HACL1: variants seen among roughly 807,000 people sequenced by gnomAD.
HACL1 encodes 2-hydroxyacyl-CoA lyase 1, also known as 1600020H07Rik.
A neutral mutation model predicts 74.2 loss-of-function variants in HACL1; 64 were observed. The ratio of observed to expected loss-of-function variants is 0.86; its 90% confidence interval spans 0.70 to 1.06. HACL1 has a LOEUF of 1.06. HACL1 is among the 50% of genes least tolerant of loss of function. The pLI is 0.00. For synonymous variants in HACL1, 230 were observed against 238.8 expected, an observed-to-expected ratio of 0.96 and a Z score of 0.34; for missense variants, 728 against 719.7, an observed-to-expected ratio of 1.01 and a Z score of -0.13.
In HACL1 at chr3:15,596,405, G is replaced by T; in HGVS notation, c.206C>A (p.Ala69Glu). The change falls in exon 3 of 17, where the codon GCG (alanine) becomes GAG (glutamate). Residue 69 changes from alanine (A) to glutamate (E), a missense_variant. Transcript: ENST00000321169. Reference protein sequence around the residue: ...NEQAACYAASAIGYLTSRPGV... With the variant: ...NEQAACYAASEIGYLTSRPGV... ...TTACCTGCTTGTCAGATATCCAATC[G>T]CGGAGGCAGCATAACAAGCCTACGA... is the stretch of plus-strand genomic sequence containing the variant. 6.3e-7 allele frequency: 1 copy of T among 1,597,322 alleles called. No individual in the cohort carries two copies. Among genetic ancestry groups the T allele is most frequent in the Non-Finnish European group, 8.6e-7 (1 of 1,164,886 alleles).
In HACL1 at chr3:15,563,343, A is replaced by T; in HGVS notation, c.1704+15T>A. 6.3e-7 allele frequency: 1 copy of T among 1,590,532 alleles called. No individual in the cohort carries two copies. The highest frequency in any genetic ancestry group is 8.6e-7 in the Non-Finnish European group (1 of 1,161,104). On this transcript the variant is annotated intron_variant, in intron 16 of 16. Transcript: ENST00000321169. Reference sequence around the variant, plus strand: ...CAGATGCATTTCTTGCTTTCTGCTTAGCAACTGTATTTACCTGGGCCTTCC... The same window carrying T: ...CAGATGCATTTCTTGCTTTCTGCTTTGCAACTGTATTTACCTGGGCCTTCC...
intron 6 of HACL1, 82 bp downstream of exon 6, chr3:15,586,442 TC>T: frequency 1.3e-6 from 1 of 754,144 alleles, no homozygotes; most frequent in Non-Finnish European, 2.3e-6. Flanking sequence ...TGTCACTCAT[TC>T]TTTTGAGAAT....
chr3:15,577,522 G>C (rs1418459746), intron 9 of HACL1, among the ~76,000 whole-genome samples: 1 of 151,094 alleles, frequency 6.6e-6, no homozygotes, highest in East Asian at 1.9e-4. Context: ...CAGGCATGGT[G>C]GCTCATGCCT....
intron 5 of HACL1, among the ~76,000 whole-genome samples, chr3:15,587,092 A>T (rs1214927485): frequency 1.3e-5 from 2 of 152,140 alleles, no homozygotes; most frequent in African/African-American, 2.4e-5. Context: ...TGAATTCAGT[A>T]GTGATAATTT....
In HACL1 at chr3:15,601,444, G is replaced by A; in HGVS notation, c.20C>T (p.Ala7Val). Residue 7 changes from alanine (A) to valine (V), a missense_variant, in exon 1 of 17, where the codon GCA becomes GTA. Ala to Val is a moderately conservative substitution (Grantham distance 64). Transcript: ENST00000321169. The part of the protein sequence containing the change: MPDSNF[A>V]ERSEEQVSGA... Reference sequence around the variant, plus strand: ...AGACACCTGCTCCTCGCTGCGCTCTGCGAAGTTACTGTCCGGCATCTTCCA... The same window carrying A: ...AGACACCTGCTCCTCGCTGCGCTCTACGAAGTTACTGTCCGGCATCTTCCA... 3.7e-6 allele frequency: 6 copies of A among 1,613,640 alleles called. No individual in the cohort carries two copies. Among genetic ancestry groups the A allele is most frequent in the Non-Finnish European group, 4.2e-6 (5 of 1,180,046 alleles).
intron 5 of HACL1, 37 bp from the exon 6 acceptor site, chr3:15,586,639 A>C: frequency 6.2e-5 from 72 of 1,160,926 alleles, no homozygotes; most frequent in Non-Finnish European, 8.9e-5. Context: ...AATTCAGCTC[A>C]CAATCATGTT....
intron 14 of HACL1, among the ~76,000 whole-genome samples, chr3:15,565,430 C>G (rs1372877536): frequency 6.6e-6 from 1 of 152,226 alleles, no homozygotes. Context: ...CACACACAAT[C>G]TGCACTCAAA....
intron 15 of HACL1, among the ~76,000 whole-genome samples, chr3:15,563,967 A>G (rs527858225): frequency 6.6e-6 from 1 of 152,320 alleles, no homozygotes; most frequent in South Asian, 2.1e-4. Flanking sequence ...ATCCAGAAGA[A>G]AAACATGAAA....
chr3:15,575,181 C>G (rs999052418), intron 9 of HACL1, 99 bp from the exon 10 acceptor site: 8 of 621,730 alleles, frequency 1.3e-5, no homozygotes, highest in Non-Finnish European at 2.3e-5. Flanking sequence ...TCATTTGGAG[C>G]TTACATCAGA....
At chr3:15,579,879 C>CA in intron 9 of HACL1, 31 bp downstream of exon 9, 1 of 1,471,948 alleles carries the variant, frequency 6.8e-7, no homozygotes, top group Non-Finnish European at 9.2e-7. Context: ...TCTACCAAGC[C>CA]ATTGTATTTA....
At position 15,596,222 on chromosome 3, in the gene HACL1, T is replaced by C; in HGVS notation, c.227+162A>G. The C allele has an allele frequency of 2.0e-5, 12 of 585,770 alleles. No homozygotes were observed. In the South Asian group the frequency reaches 2.6e-4, roughly 13 times the overall value. 36.3% of individuals were successfully genotyped at this position (585,770 alleles called of 1,614,324 possible). A position where few individuals can be genotyped will look rare whatever the true frequency, so the allele number is the denominator to read the frequency against. ...TCTGAAACACTTCTGGTATCATTAT[T>C]CTTTTGATGTGGTCCTCAGAGAGTT... On this transcript the variant is annotated intron_variant, in intron 3 of 16. Coordinates refer to ENST00000321169, the MANE Select transcript of HACL1 (RefSeq NM_012260.4).
At chr3:15,564,494 A>G in intron 15 of HACL1, 57 bp downstream of exon 15, 2 of 801,930 alleles carry the variant, frequency 2.5e-6, no homozygotes, top group Non-Finnish European at 4.3e-6. Context: ...AAGACTTTTT[A>G]AAAAGAGATT....
rs796608261 is a variant in HACL1, at chr3:15,587,189, C to T, written c.382-587G>A. ...GAAATCTATGAAAAGCTGATAGTCC[C>T]ACAGGCATGACAAAATTAAGATCAC... is the stretch of plus-strand genomic sequence containing the variant. On this transcript the variant is annotated intron_variant, in intron 5 of 16. Transcript: ENST00000321169. Among the ~76,000 whole-genome samples the T allele has an allele frequency of 3.0e-4, 44 of 148,504 alleles. 1 individual carries two copies. Among genetic ancestry groups the T allele is most frequent in the Admixed American group, 1.1e-3 (16 of 14,892 alleles).
chr3:15,581,745 A>T (rs997983410), intron 8 of HACL1, among the ~76,000 whole-genome samples: 1 of 152,230 alleles, frequency 6.6e-6, no homozygotes, highest in African/African-American at 2.4e-5. Flanking sequence ...ACGCAAGAAC[A>T]TACCGCACTT....
intron 3 of HACL1, among the ~76,000 whole-genome samples, chr3:15,594,387 G>A (rs956283191): frequency 8.5e-5 from 13 of 152,128 alleles, no homozygotes; most frequent in Non-Finnish European, 1.8e-4. Context: ...GCATGGAGAC[G>A]ACAGAGTGAG....
At chr3:15,582,542 G>A (rs955508197) in intron 8 of HACL1, among the ~76,000 whole-genome samples, 23 of 152,142 alleles carry the variant, frequency 1.5e-4, no homozygotes, top group African/African-American at 5.5e-4. Context: ...TAATCTATGT[G>A]TAAAAAGGAA....
At position 15,579,977 on chromosome 3, in the gene HACL1, G is replaced by C. The variant is rs2063693426; in HGVS notation, c.736C>G (p.Pro246Ala). The C allele has an allele frequency of 6.2e-7, 1 of 1,606,170 alleles. No individual in the cohort carries two copies. The highest frequency in any genetic ancestry group is 8.5e-7 in the Non-Finnish European group (1 of 1,172,938). The change falls in exon 9 of 17, where the codon CCC becomes GCC. Residue 246 changes from proline (P) to alanine (A), a missense_variant. Pro to Ala is a conservative substitution (Grantham distance 27, BLOSUM62 -1). Coordinates refer to ENST00000321169, the MANE Select transcript of HACL1 (RefSeq NM_012260.4). ...LVEQYKLPFLPTPMGKGVVPD... is the reference protein window; with the variant it reads ...LVEQYKLPFLATPMGKGVVPD... ...ACAACACCCTTCCCCATAGGGGTGG[G>C]CAAAAATGGCAGTTTATATTGCTCC... is the stretch of plus-strand genomic sequence containing the variant.
At chr3:15,597,778 G>A (rs1349678929) in intron 2 of HACL1, among the ~76,000 whole-genome samples, 1 of 151,656 alleles carries the variant, frequency 6.6e-6, no homozygotes, top group African/African-American at 2.4e-5. Context: ...TTGCACATAA[G>A]GCCAAATTCA....
chr3:15,598,071 C>T (rs2064103998), intron 2 of HACL1, among the ~76,000 whole-genome samples: 1 of 150,896 alleles, frequency 6.6e-6, no homozygotes, highest in Non-Finnish European at 1.5e-5. Flanking sequence ...GTTGCCCAGG[C>T]TGGAGTGCAA....
Sources: allele counts gnomAD v4.1 joint callset (sites outside exome capture counted in the v4.1 genomes callset), GRCh38; gene constraint gnomAD v4.1.1; transcripts MANE v1.5; gene names NCBI Gene and HGNC (gene_info 2026-07-23, HGNC 2026-07-21).